Variants in LRRTM4 observed in about 807,000 individuals in gnomAD.
LRRTM4 encodes the protein leucine-rich repeat transmembrane neuronal protein 4.
In LRRTM4, 25 loss-of-function variants were observed where a neutral mutation model predicts 47.6. That is an observed-to-expected ratio of 0.53 (90% CI 0.38 to 0.73). LRRTM4 has a LOEUF of 0.73. Ranked by LOEUF, LRRTM4 falls within the 30% of genes least tolerant of loss-of-function variation. The pLI is 0.00. For missense variants in LRRTM4, 638 were observed against 713.4 expected (o/e 0.89, Z 1.20); for synonymous variants, 311 against 269.5 (o/e 1.15, Z -1.51).
chr2:77,002,203 A>T (rs1252524864), intron 3 of LRRTM4, among the ~76,000 whole-genome samples: 1 of 152,112 alleles, frequency 6.6e-6, no homozygotes, highest in Non-Finnish European at 1.5e-5. Flanking sequence ...GCTTCCTTTT[A>T]AAATAGCCTT....
At chr2:76,911,311 T>A (rs1360052218) in intron 3 of LRRTM4, among the ~76,000 whole-genome samples, 2 of 152,178 alleles carry the variant, frequency 1.3e-5, no homozygotes, top group Non-Finnish European at 2.9e-5. Flanking sequence ...TTTTAGGACT[T>A]TCACAATTAT....
chr2:76,763,173 C>A (rs1441057842), intron 3 of LRRTM4, among the ~76,000 whole-genome samples: 1 of 152,080 alleles, frequency 6.6e-6, no homozygotes, highest in Non-Finnish European at 1.5e-5. Context: ...CTCCCCTATT[C>A]CAGGAAAAAA....
chr2:77,179,770 C>A (rs373378900), intron 3 of LRRTM4, among the ~76,000 whole-genome samples: 5 of 152,180 alleles, frequency 3.3e-5, no homozygotes, highest in South Asian at 4.2e-4. Flanking sequence ...ACCTTACATC[C>A]AGGATGCAGG....
At chr2:77,053,036 G>T (rs1320901620) in intron 3 of LRRTM4, among the ~76,000 whole-genome samples, 1 of 152,048 alleles carries the variant, frequency 6.6e-6, no homozygotes, top group Non-Finnish European at 1.5e-5. Flanking sequence ...CATAGTTCGG[G>T]TAAAATGGAA....
intron 3 of LRRTM4, among the ~76,000 whole-genome samples, chr2:77,180,592 T>A (rs1256052982): frequency 2.6e-5 from 4 of 152,200 alleles, no homozygotes; most frequent in African/African-American, 9.6e-5. Context: ...AAATATACCT[T>A]TCATTATCAT....
At chr2:77,006,534 T>A (rs1194023806) in intron 3 of LRRTM4, among the ~76,000 whole-genome samples, 1 of 152,156 alleles carries the variant, frequency 6.6e-6, no homozygotes, top group African/African-American at 2.4e-5. Context: ...AGTCCTGTAT[T>A]CAATGCAGCA....
chr2:77,090,646 T>C (rs1204593477), intron 3 of LRRTM4, among the ~76,000 whole-genome samples: 2 of 152,116 alleles, frequency 1.3e-5, no homozygotes, highest in Non-Finnish European at 2.9e-5. Context: ...CCCCAGGAGC[T>C]TGCTACAAGT....
chr2:77,242,352 A>G (rs780012641), intron 3 of LRRTM4, among the ~76,000 whole-genome samples: 16 of 152,160 alleles, frequency 1.1e-4, no homozygotes, highest in Non-Finnish European at 2.2e-4. Context: ...CCTGTGCATC[A>G]AGGGACACAA....
chr2:77,052,688 CTAT>C (rs2103777017), intron 3 of LRRTM4, among the ~76,000 whole-genome samples: 1 of 151,576 alleles, frequency 6.6e-6, no homozygotes, highest in South Asian at 2.1e-4. Context: ...CTTTTCTTCT[CTAT>C]TATTACAAGA....
intron 3 of LRRTM4, among the ~76,000 whole-genome samples, chr2:77,028,345 A>G (rs1678525984): frequency 6.6e-6 from 1 of 152,222 alleles, no homozygotes; most frequent in African/African-American, 2.4e-5. Flanking sequence ...AAACCACTTA[A>G]AAACATTAAT....
At chr2:77,501,187 C>T (rs1484178881) in intron 3 of LRRTM4, among the ~76,000 whole-genome samples, 1 of 150,078 alleles carries the variant, frequency 6.7e-6, no homozygotes, top group Non-Finnish European at 1.5e-5. Flanking sequence ...GGAAATAATA[C>T]CCCAAATATA....
intron 3 of LRRTM4, among the ~76,000 whole-genome samples, chr2:76,972,020 T>C (rs1297956846): frequency 6.6e-6 from 1 of 152,042 alleles, no homozygotes; most frequent in Non-Finnish European, 1.5e-5. Flanking sequence ...GGCTACATCA[T>C]TCTTCTTTTA....
At chr2:76,868,842 T>C (rs1036671887) in intron 3 of LRRTM4, among the ~76,000 whole-genome samples, 4 of 152,110 alleles carry the variant, frequency 2.6e-5, no homozygotes, top group Non-Finnish European at 5.9e-5. Context: ...TTTACCCCAA[T>C]AAAATCACCC....
At chr2:77,080,691 AT>A (rs1680501775) in intron 3 of LRRTM4, among the ~76,000 whole-genome samples, 1 of 152,194 alleles carries the variant, frequency 6.6e-6, no homozygotes, top group Non-Finnish European at 1.5e-5. Flanking sequence ...TTAAAAAATT[AT>A]GGTAGCTCCA....
At chr2:77,013,194 C>A (rs1429391815) in intron 3 of LRRTM4, among the ~76,000 whole-genome samples, 1 of 152,098 alleles carries the variant, frequency 6.6e-6, no homozygotes, top group Non-Finnish European at 1.5e-5. Context: ...GGTATAACCA[C>A]TGAAGCACTT....
chr2:76,885,323 G>C (rs1673039228), intron 3 of LRRTM4, among the ~76,000 whole-genome samples: 3 of 151,916 alleles, frequency 2.0e-5, no homozygotes, highest in African/African-American at 7.3e-5. Flanking sequence ...GAAAGACTGG[G>C]ACCCTATCTT....
chr2:77,026,954 G>A (rs964445462), intron 3 of LRRTM4, among the ~76,000 whole-genome samples: 2 of 152,030 alleles, frequency 1.3e-5, no homozygotes, highest in African/African-American at 4.8e-5. Flanking sequence ...TTAAAGCCAA[G>A]CAAAGAAAAT....
intron 3 of LRRTM4, among the ~76,000 whole-genome samples, chr2:77,313,898 C>T (rs1677544448): frequency 6.6e-6 from 1 of 152,106 alleles, no homozygotes; most frequent in Admixed American, 6.5e-5. Context: ...ATTACATTTT[C>T]CTTAAACAAA....
intron 3 of LRRTM4, among the ~76,000 whole-genome samples, chr2:77,281,270 G>T (rs1451547183): frequency 6.6e-6 from 1 of 151,800 alleles, no homozygotes; most frequent in African/African-American, 2.4e-5. Context: ...TCTATCAAAG[G>T]TCATTCTTAG....
Sources: allele counts gnomAD v4.1 joint callset (sites outside exome capture counted in the v4.1 genomes callset), GRCh38; gene constraint gnomAD v4.1.1; transcripts MANE v1.5; gene names NCBI Gene and HGNC (gene_info 2026-07-23, HGNC 2026-07-21).